Variants in CHSY3 observed in about 807,000 individuals in gnomAD.
The protein encoded by CHSY3 is N-acetylgalactosaminyl-proteoglycan 3-beta-glucuronosyltransferase 3.
CHSY3 carries 35 observed loss-of-function variants against 67.2 expected under a neutral mutation model. That is an observed-to-expected ratio of 0.52 (90% CI 0.40 to 0.69). The LOEUF (loss-of-function observed/expected upper bound fraction) is 0.69, where lower values mean the gene tolerates loss of function less well. CHSY3 is among the 30% of genes least tolerant of loss of function. The pLI is 0.00. For missense variants in CHSY3, 1,069 were observed against 1,138.5 expected, an observed-to-expected ratio of 0.94 and a Z score of 0.88; for synonymous variants, 474 against 434.7, an observed-to-expected ratio of 1.09 and a Z score of -1.12.
At chr5:130,070,015 A>G (rs888492067) in intron 2 of CHSY3, among the ~76,000 whole-genome samples, 3 of 152,122 alleles carry the variant, frequency 2.0e-5, no homozygotes, top group East Asian at 1.9e-4. Flanking sequence ...ATATAGGCAT[A>G]TATTTCTATT....
intron 2 of CHSY3, among the ~76,000 whole-genome samples, chr5:130,015,815 A>G (rs994872500): frequency 2.0e-5 from 3 of 152,184 alleles, no homozygotes; most frequent in Non-Finnish European, 4.4e-5. Context: ...CACCACAGCA[A>G]AGACATAGAC....
Position 129,908,061 on chromosome 5 carries a change from G to T in CHSY3, c.803-16G>T. ...GAAATAAGGAGACATAGTAATTGTT[G>T]CCTTTCTTTTTGTAGGTGATAAATT... On this transcript the variant is annotated splice_polypyrimidine_tract_variant and intron_variant, in intron 1 of 2. Transcript: ENST00000305031. 6.2e-7 allele frequency: 1 copy of T among 1,605,844 alleles called. No individual in the cohort carries two copies. The highest frequency in any genetic ancestry group is 8.5e-7 in the Non-Finnish European group (1 of 1,176,248).
At chr5:129,960,676 A>C (rs997837700) in intron 2 of CHSY3, among the ~76,000 whole-genome samples, 1 of 151,984 alleles carries the variant, frequency 6.6e-6, no homozygotes, top group Non-Finnish European at 1.5e-5. Context: ...GAAGCTTTGT[A>C]TCAACATCTT....
chr5:130,098,720 C>G (rs1478836442), intron 2 of CHSY3, among the ~76,000 whole-genome samples: 3 of 152,150 alleles, frequency 2.0e-5, no homozygotes, highest in Admixed American at 6.5e-5. Context: ...TCCACTTTCT[C>G]AGGCTCAGGA....
intron 2 of CHSY3, among the ~76,000 whole-genome samples, chr5:130,137,167 A>G (rs550774888): frequency 4.9e-4 from 75 of 152,286 alleles, no homozygotes; most frequent in African/African-American, 1.6e-3. Context: ...AGAAAATTAG[A>G]TTTCCTAGAT....
intron 2 of CHSY3, among the ~76,000 whole-genome samples, chr5:130,056,915 T>A (rs940557779): frequency 7.6e-4 from 99 of 129,936 alleles, no homozygotes; most frequent in African/African-American, 2.9e-3. Context: ...TTAGCATTTC[T>A]TTCTTTTTTT....
chr5:130,017,404 C>T (rs1439591238), intron 2 of CHSY3, among the ~76,000 whole-genome samples: 3 of 152,054 alleles, frequency 2.0e-5, no homozygotes, highest in African/African-American at 7.2e-5. Context: ...CCCACTGCCT[C>T]TCCAGTAGGT....
intron 2 of CHSY3, among the ~76,000 whole-genome samples, chr5:129,930,890 A>G (rs1761286520): frequency 1.3e-5 from 2 of 152,162 alleles, no homozygotes; most frequent in African/African-American, 4.8e-5. Flanking sequence ...GGGAACACGT[A>G]GGTAACTAGG....
At chr5:130,149,909 T>C (rs1472667407) in intron 2 of CHSY3, among the ~76,000 whole-genome samples, 1 of 152,200 alleles carries the variant, frequency 6.6e-6, no homozygotes, top group African/African-American at 2.4e-5. Context: ...ATGATGTTTA[T>C]AAGCTATTTG....
chr5:129,932,128 ATATATATATATATAT>A (rs1408815393), intron 2 of CHSY3, among the ~76,000 whole-genome samples: 12 of 131,570 alleles, frequency 9.1e-5, no homozygotes, highest in African/African-American at 3.3e-4. Flanking sequence ...ATATATATAT[ATATATATATATATAT>A]GTATATGAGA....
intron 2 of CHSY3, among the ~76,000 whole-genome samples, chr5:130,083,768 C>T (rs902485458): frequency 1.3e-5 from 2 of 151,906 alleles, no homozygotes; most frequent in Admixed American, 6.6e-5. Flanking sequence ...CATGGTAATT[C>T]AGGGTCATTA....
chr5:130,111,800 A>G (rs1390098229), intron 2 of CHSY3, among the ~76,000 whole-genome samples: 1 of 152,134 alleles, frequency 6.6e-6, no homozygotes, highest in Non-Finnish European at 1.5e-5. Context: ...AAATGCTGAC[A>G]GAAATATGCA....
At chr5:129,964,752 G>T (rs1045992816) in intron 2 of CHSY3, among the ~76,000 whole-genome samples, 1 of 151,714 alleles carries the variant, frequency 6.6e-6, no homozygotes, top group African/African-American at 2.4e-5. Flanking sequence ...AGTAATTCTG[G>T]TGTGTTTAAA....
intron 2 of CHSY3, among the ~76,000 whole-genome samples, chr5:130,074,902 C>CT (rs5871379): frequency 0.47 from 71,836 of 151,686 alleles, 17,581 homozygotes; most frequent in African/African-American, 0.6. Context: ...AATAATTAAG[C>CT]TTTTAACTTA....
chr5:130,011,763 A>G (rs935439522), intron 2 of CHSY3, among the ~76,000 whole-genome samples: 2 of 152,250 alleles, frequency 1.3e-5, no homozygotes, highest in South Asian at 2.1e-4. Flanking sequence ...CAACTTCAGC[A>G]AAGTCTCAGG....
At chr5:130,143,776 ATATATGTG>A (rs1561557164) in intron 2 of CHSY3, among the ~76,000 whole-genome samples, 4 of 75,780 alleles carry the variant, frequency 5.3e-5, no homozygotes, top group African/African-American at 2.2e-4. Context: ...GTGTATATAT[ATATATGTG>A]TATATATATA....
At chr5:129,959,961 A>G (rs1762284045) in intron 2 of CHSY3, among the ~76,000 whole-genome samples, 2 of 152,078 alleles carry the variant, frequency 1.3e-5, no homozygotes, top group Admixed American at 6.6e-5. Context: ...TACTGAATAT[A>G]TTTTCAGACA....
chr5:130,092,815 C>T (rs1396292580), intron 2 of CHSY3, among the ~76,000 whole-genome samples: 1 of 151,978 alleles, frequency 6.6e-6, no homozygotes, highest in African/African-American at 2.4e-5. Context: ...GGTTTATATA[C>T]CAGGGAAGAA....
At chr5:129,924,349 T>C (rs533908751) in intron 2 of CHSY3, among the ~76,000 whole-genome samples, 1 of 152,078 alleles carries the variant, frequency 6.6e-6, no homozygotes, top group Non-Finnish European at 1.5e-5. Flanking sequence ...CTGAATGCTT[T>C]TAAAATTAGA....
Sources: gnomAD v4.1 joint callset for allele counts (sites outside exome capture counted in the v4.1 genomes callset) on GRCh38, gnomAD v4.1.1 for gene constraint, MANE v1.5 for transcripts, NCBI Gene and HGNC (gene_info 2026-07-23, HGNC 2026-07-21) for gene names.